Variants in PRKCZ observed in about 807,000 individuals in gnomAD.
The protein encoded by PRKCZ is protein kinase C zeta, also known as protein kinase C zeta type.
A neutral mutation model predicts 79.5 loss-of-function variants in PRKCZ; 33 were observed. The ratio of observed to expected loss-of-function variants is 0.41; its 90% confidence interval spans 0.31 to 0.55. The LOEUF is 0.55. PRKCZ is among the 20% of genes least tolerant of loss of function. PRKCZ has a pLI of 0.19. For missense variants in PRKCZ, 578 were observed against 813.5 expected, an observed-to-expected ratio of 0.71 and a Z score of 3.52; for synonymous variants, 342 against 320.9, an observed-to-expected ratio of 1.07 and a Z score of -0.70.
At chr1:2,062,379 G>A (rs1473199360) in intron 4 of PRKCZ, among the ~76,000 whole-genome samples, 1 of 151,748 alleles carries the variant, frequency 6.6e-6, no homozygotes, top group Non-Finnish European at 1.5e-5. Context: ...GCTTTCACCC[G>A]CCTGACCTTT....
intron 16 of PRKCZ, among the ~76,000 whole-genome samples, chr1:2,181,474 C>CT (rs1248204472): frequency 2.6e-5 from 4 of 152,230 alleles, no homozygotes; most frequent in African/African-American, 9.6e-5. Flanking sequence ...ACGCACTGCT[C>CT]TGAGAGGCCA....
At chr1:2,083,207 C>T (rs571985434) in intron 4 of PRKCZ, among the ~76,000 whole-genome samples, 254 of 152,156 alleles carry the variant, frequency 1.7e-3, no homozygotes, top group Middle Eastern at 0.014. Flanking sequence ...GGGGTCGCTT[C>T]GAGGGGAGGT....
chr1:2,159,632 A>G (rs919052113), intron 10 of PRKCZ, among the ~76,000 whole-genome samples: 2 of 152,200 alleles, frequency 1.3e-5, no homozygotes, highest in Non-Finnish European at 2.9e-5. Flanking sequence ...CTGGCCGGCC[A>G]TGTTCGTGTC....
At chr1:2,153,235 C>T (rs747527349) in intron 9 of PRKCZ, among the ~76,000 whole-genome samples, 1 of 152,256 alleles carries the variant, frequency 6.6e-6, no homozygotes, top group Non-Finnish European at 1.5e-5. Flanking sequence ...CTTTCATGCA[C>T]CTGTTGGCTT....
At chr1:2,083,011 T>C (rs1396995496) in intron 4 of PRKCZ, among the ~76,000 whole-genome samples, 1 of 152,156 alleles carries the variant, frequency 6.6e-6, no homozygotes, top group Non-Finnish European at 1.5e-5. Flanking sequence ...CTCCCTCTCC[T>C]CATGTCCTAA....
In PRKCZ at chr1:2,174,710, G is replaced by C. The variant is rs113322318; in HGVS notation, c.1406-44G>C. The stretch of plus-strand genomic sequence containing the variant: ...AGAGTCTGGGCGGCACTGGGCAAAT[G>C]GCACACAACACAGGCAAGTCCTCAC... On this transcript the variant is annotated intron_variant, in intron 14 of 17. Coordinates refer to ENST00000378567, the MANE Select transcript of PRKCZ (RefSeq NM_002744.6). The surrounding 1 kb of genome is among the most constrained non-coding windows in gnomAD (Gnocchi z 6.2). 1,476 of 1,591,844 alleles carry C rather than the reference G, an allele frequency of 9.3e-4. 15 individuals carry two copies. Among genetic ancestry groups the C allele is most frequent in the Middle Eastern group, 7.7e-3 (44 of 5,698 alleles).
At chr1:2,097,191 C>T (rs1481311976) in intron 4 of PRKCZ, among the ~76,000 whole-genome samples, 1 of 152,224 alleles carries the variant, frequency 6.6e-6, no homozygotes, top group African/African-American at 2.4e-5. Context: ...AGGACCAGGG[C>T]TGACCACACC....
intron 4 of PRKCZ, among the ~76,000 whole-genome samples, chr1:2,079,069 T>C (rs988522150): frequency 1.2e-4 from 18 of 152,266 alleles, no homozygotes; most frequent in Admixed American, 7.2e-4. Context: ...GTCTCGATCT[T>C]CTGACCTTGT....
In PRKCZ at chr1:2,088,392, C is replaced by T. The variant is rs146831353; in HGVS notation, c.334+28801C>T. On this transcript the variant is annotated intron_variant, in intron 4 of 17. Transcript: ENST00000378567. ...CTTTCCATCGTGGGCTTCCTGGGAACCAAATCCCTCAGCTTTGGCCCTGGT... is the reference window on the plus strand; with the variant it reads ...CTTTCCATCGTGGGCTTCCTGGGAATCAAATCCCTCAGCTTTGGCCCTGGT... 2.0e-5 allele frequency among the ~76,000 whole-genome samples: 3 copies of T among 152,310 alleles called. No individual in the cohort carries two copies. The East Asian group carries it at 5.8e-4, about 29-fold the overall frequency.
At chr1:2,153,932 G>A (rs1486290406) in intron 9 of PRKCZ, among the ~76,000 whole-genome samples, 3 of 152,204 alleles carry the variant, frequency 2.0e-5, no homozygotes, top group Admixed American at 6.5e-5. Context: ...CTTGCCTCTT[G>A]TTCCCCCAGG....
At chr1:2,150,123 C>G (rs1234206564) in intron 8 of PRKCZ, among the ~76,000 whole-genome samples, 2 of 146,178 alleles carry the variant, frequency 1.4e-5, no homozygotes, top group Non-Finnish European at 3.0e-5. Context: ...GATCGTGCCA[C>G]TGCACTCCAG....
intron 4 of PRKCZ, among the ~76,000 whole-genome samples, chr1:2,112,197 A>C (rs1018986830): frequency 2.0e-5 from 3 of 152,172 alleles, no homozygotes; most frequent in Admixed American, 6.5e-5. Context: ...TAGAAGGCAA[A>C]AAACAGGCTT....
rs1222843777 is a variant in PRKCZ at position 2,075,977 on chromosome 1, C to G, written c.334+16386C>G. 6.6e-6 allele frequency among the ~76,000 whole-genome samples: 1 copy of G among 152,240 alleles called. No homozygotes were observed. The highest frequency in any genetic ancestry group is 2.4e-5 in the African/African-American group (1 of 41,456). ...AACTGTTGGGGGGCGGGAGGACCATCCATGGGGTCAGGCACCAACCTCTGC... is the reference window on the plus strand; with the variant it reads ...AACTGTTGGGGGGCGGGAGGACCATGCATGGGGTCAGGCACCAACCTCTGC... On this transcript the variant is annotated intron_variant, in intron 4 of 17. Coordinates refer to ENST00000378567, the MANE Select transcript of PRKCZ (RefSeq NM_002744.6). The surrounding 1 kb of genome is among the most constrained non-coding windows in gnomAD (Gnocchi z 4.8).
chr1:2,103,872 G>T (rs1384536790), intron 4 of PRKCZ, among the ~76,000 whole-genome samples: 1 of 152,142 alleles, frequency 6.6e-6, no homozygotes, highest in Non-Finnish European at 1.5e-5. Flanking sequence ...TGGGAGGAGA[G>T]GGGTGAAGGG....
At position 2,166,336 on chromosome 1, in the gene PRKCZ, C is replaced by T. The variant is rs554027913; in HGVS notation, c.975-3182C>T. Among the ~76,000 whole-genome samples, 3 of 152,294 alleles carry T rather than the reference C, an allele frequency of 2.0e-5. No individual in the cohort carries two copies. The East Asian group carries it at 5.8e-4, about 29-fold the overall frequency. On this transcript the variant is annotated intron_variant, in intron 10 of 17. Coordinates refer to ENST00000378567, the MANE Select transcript of PRKCZ (RefSeq NM_002744.6). ...CGGGAGGCTGAAGCCGGAGGATTGCCTGAGCCTGGGAGGTCGAGGCTGCAG... is the reference window on the plus strand; with the variant it reads ...CGGGAGGCTGAAGCCGGAGGATTGCTTGAGCCTGGGAGGTCGAGGCTGCAG...
At chr1:2,086,708 T>G (rs939529381) in intron 4 of PRKCZ, among the ~76,000 whole-genome samples, 6 of 152,174 alleles carry the variant, frequency 3.9e-5, no homozygotes, top group African/African-American at 1.4e-4. Flanking sequence ...AGGGGCTGCA[T>G]GGGGATTCGA....
At chr1:2,158,053 TC>T (rs1413742042) in intron 10 of PRKCZ, among the ~76,000 whole-genome samples, 1 of 150,476 alleles carries the variant, frequency 6.6e-6, no homozygotes, top group Non-Finnish European at 1.5e-5. Flanking sequence ...AGGGTCCTGC[TC>T]TTGCCTGTGC....
chr1:2,117,933 A>G (rs1298875893), intron 4 of PRKCZ, among the ~76,000 whole-genome samples: 5 of 142,882 alleles, frequency 3.5e-5, no homozygotes. Flanking sequence ...TGCTTGATTC[A>G]GTTTGCTATT....
At position 2,168,976 on chromosome 1, in the gene PRKCZ, T is replaced by C. The variant is rs1191735469; in HGVS notation, c.975-542T>C. The C allele has an allele frequency of 5.5e-6, 2 of 360,620 alleles. No homozygotes were observed. Among genetic ancestry groups the C allele is most frequent in the Non-Finnish European group, 1.1e-5 (2 of 177,008 alleles). The allele number at this position is 360,620 out of a possible 1,614,324, so 22.3% of individuals were successfully genotyped here. A position where few individuals can be genotyped will look rare whatever the true frequency, so the allele number is the denominator to read the frequency against. ...GACATCTGCGGATCTTTTAAAATCATACGATCATGTCTGCGAAACCGGGAT... is the reference window on the plus strand; with the variant it reads ...GACATCTGCGGATCTTTTAAAATCACACGATCATGTCTGCGAAACCGGGAT... On this transcript the variant is annotated intron_variant, in intron 10 of 17. Coordinates refer to ENST00000378567, the MANE Select transcript of PRKCZ (RefSeq NM_002744.6). This position sits in a 1 kb window ranked among gnomAD's most constrained non-coding sequence, Gnocchi z 4.7.
Sources: allele counts gnomAD v4.1 joint callset (sites outside exome capture counted in the v4.1 genomes callset), GRCh38; gene constraint gnomAD v4.1.1; non-coding constraint Gnocchi (gnomAD v3.1); transcripts MANE v1.5; gene names NCBI Gene and HGNC (gene_info 2026-07-23, HGNC 2026-07-21).